The following FCHO2 variants were observed in gnomAD, a reference collection of about 807,000 sequenced individuals.
FCHO2 encodes F-BAR domain only protein 2.
FCHO2 carries 43 observed loss-of-function variants against 114.1 expected under a neutral mutation model. The ratio of observed to expected loss-of-function variants is 0.38; its 90% CI spans 0.30 to 0.49. The LOEUF is 0.49. Among genes scored for constraint, FCHO2 ranks in the 20% least tolerant of loss-of-function variants. The probability of loss-of-function intolerance (pLI) is 0.97; values close to 1 mark genes in which losing one functional copy is unlikely to be tolerated. For missense variants in FCHO2, 807 were observed against 950.4 expected, an observed-to-expected ratio of 0.85 and a Z score of 1.98; for synonymous variants, 293 against 315.2, an observed-to-expected ratio of 0.93 and a Z score of 0.75.
intron 8 of FCHO2, among the ~76,000 whole-genome samples, chr5:73,024,584 G>C (rs1170293837): frequency 6.6e-6 from 1 of 151,978 alleles, no homozygotes; most frequent in East Asian, 1.9e-4. Flanking sequence ...GATTACAGGT[G>C]CCCACCACCA....
intron 1 of FCHO2, among the ~76,000 whole-genome samples, chr5:72,964,804 A>G (rs1752100831): frequency 6.6e-6 from 1 of 152,184 alleles, no homozygotes; most frequent in African/African-American, 2.4e-5. Context: ...CTCCCCATCC[A>G]TAATTTCACT....
chr5:73,051,160 G>T (rs1757319137), intron 11 of FCHO2, 189 bp from the exon 12 acceptor site: 1 of 451,604 alleles, frequency 2.2e-6, no homozygotes, highest in East Asian at 4.5e-5. Flanking sequence ...GGTAGCCAGA[G>T]CATGGAGTGT....
chr5:72,964,979 T>G (rs1229192858), intron 1 of FCHO2, among the ~76,000 whole-genome samples: 1 of 151,998 alleles, frequency 6.6e-6, no homozygotes, highest in African/African-American at 2.4e-5. Context: ...CATTAATCAC[T>G]TAGCAGCCAT....
intron 2 of FCHO2, among the ~76,000 whole-genome samples, chr5:72,972,298 G>A (rs1580013087): frequency 6.6e-6 from 1 of 151,470 alleles, no homozygotes; most frequent in African/African-American, 2.4e-5. Flanking sequence ...GGGCAGTATG[G>A]CCATTTTCAC....
intron 6 of FCHO2, among the ~76,000 whole-genome samples, chr5:73,011,993 T>A (rs1263085009): frequency 6.6e-6 from 1 of 152,014 alleles, no homozygotes; most frequent in African/African-American, 2.4e-5. Flanking sequence ...TGTTTTACAG[T>A]TATTGTTTTT....
chr5:73,082,060 G>C (rs1580212369), intron 23 of FCHO2, 78 bp downstream of exon 23: 1 of 1,322,372 alleles, frequency 7.6e-7, no homozygotes, highest in East Asian at 2.7e-5. Flanking sequence ...AGTTCTGTAA[G>C]TTTTCTTAGA....
intron 5 of FCHO2, among the ~76,000 whole-genome samples, chr5:73,005,107 G>A (rs1177914814): frequency 6.6e-6 from 1 of 152,072 alleles, no homozygotes; most frequent in Non-Finnish European, 1.5e-5. Context: ...TCTTTAAGAA[G>A]GCAGGAAAGT....
intron 19 of FCHO2, among the ~76,000 whole-genome samples, chr5:73,073,957 G>A (rs1417048401): frequency 6.6e-6 from 1 of 151,976 alleles, no homozygotes; most frequent in Non-Finnish European, 1.5e-5. Context: ...AAAATCAGTA[G>A]CAGTAGCAGT....
intron 8 of FCHO2, 148 bp from the exon 9 acceptor site, chr5:73,034,509 A>G: frequency 2.0e-6 from 1 of 495,276 alleles, no homozygotes; most frequent in Non-Finnish European, 3.5e-6. Context: ...TTTAATTATT[A>G]GGTAACAACT....
intron 6 of FCHO2, among the ~76,000 whole-genome samples, chr5:73,013,642 C>T (rs1411197329): frequency 5.3e-5 from 8 of 152,106 alleles, no homozygotes; most frequent in East Asian, 3.9e-4. Context: ...CAAAGTGAAA[C>T]GTGTCATTAT....
intron 9 of FCHO2, among the ~76,000 whole-genome samples, chr5:73,036,622 C>T (rs912678394): frequency 9.9e-5 from 15 of 152,048 alleles, no homozygotes; most frequent in African/African-American, 2.7e-4. Flanking sequence ...GTGATCTGTC[C>T]GCTTTGGCCT....
intron 20 of FCHO2, among the ~76,000 whole-genome samples, chr5:73,075,833 G>A (rs1742884543): frequency 6.6e-6 from 1 of 152,100 alleles, no homozygotes; most frequent in South Asian, 2.1e-4. Context: ...AAAATGCTAA[G>A]TTTGAAGTTT....
chr5:73,047,846 A>G (rs887783076), intron 11 of FCHO2, among the ~76,000 whole-genome samples: 1 of 151,682 alleles, frequency 6.6e-6, no homozygotes, highest in Non-Finnish European at 1.5e-5. Context: ...TTATTTATTT[A>G]TTTATTTCGA....
intron 1 of FCHO2, among the ~76,000 whole-genome samples, chr5:72,965,822 C>T (rs1752172188): frequency 1.3e-5 from 2 of 152,122 alleles, no homozygotes; most frequent in East Asian, 1.9e-4. Flanking sequence ...TATTAAATGT[C>T]CATAAGAGCT....
chr5:73,079,395 C>A (rs559012098), intron 22 of FCHO2, among the ~76,000 whole-genome samples: 1 of 152,138 alleles, frequency 6.6e-6, no homozygotes, highest in African/African-American at 2.4e-5. Context: ...ATTAGAGTAT[C>A]CAGAAATAGA....
At chr5:72,986,266 G>T (rs1753515703) in intron 2 of FCHO2, among the ~76,000 whole-genome samples, 2 of 150,842 alleles carry the variant, frequency 1.3e-5, no homozygotes. Context: ...TTGCAAATTT[G>T]GTGTGCTTTC....
chr5:73,013,614 A>G (rs977781510), intron 6 of FCHO2, among the ~76,000 whole-genome samples: 9 of 152,242 alleles, frequency 5.9e-5, no homozygotes, highest in African/African-American at 2.2e-4. Context: ...AAAGAAATTT[A>G]GAAAATGCCG....
chr5:73,021,425 G>T, intron 8 of FCHO2: 1 of 273,056 alleles, frequency 3.7e-6, no homozygotes, highest in Non-Finnish European at 7.2e-6. Context: ...CTTCACTGAG[G>T]CCAACCTGAA....
At chr5:72,996,184 A>G (rs905537147) in intron 5 of FCHO2, among the ~76,000 whole-genome samples, 1 of 150,582 alleles carries the variant, frequency 6.6e-6, no homozygotes, top group African/African-American at 2.4e-5. Context: ...TAGAGGTTGC[A>G]GTGAGCCAAG....
Sources: gnomAD v4.1 joint callset for allele counts (sites outside exome capture counted in the v4.1 genomes callset) on GRCh38, gnomAD v4.1.1 for gene constraint, MANE v1.5 for transcripts, NCBI Gene and HGNC (gene_info 2026-07-23, HGNC 2026-07-21) for gene names.